CDH18: variants seen among roughly 807,000 people sequenced by gnomAD.
CDH18 encodes cadherin 18.
In CDH18, 31 loss-of-function variants were observed where a neutral mutation model predicts 67.9. The observed-to-expected ratio is 0.46, with a 90% CI of 0.34 to 0.62. The LOEUF is 0.62. Among genes scored for constraint, CDH18 ranks in the 20% least tolerant of loss-of-function variants. The pLI is 0.01. For synonymous variants in CDH18, 362 were observed against 347.2 expected (o/e 1.04, Z -0.48); for missense variants, 890 against 975.5 (o/e 0.91, Z 1.17).
intron 1 of CDH18, among the ~76,000 whole-genome samples, chr5:20,339,019 A>T (rs914611515): frequency 2.0e-5 from 3 of 152,182 alleles, no homozygotes; most frequent in African/African-American, 7.2e-5. Flanking sequence ...CAGTGAGGGA[A>T]AAAGAAGACA....
At chr5:19,738,240 G>T (rs7700760) in intron 4 of CDH18, among the ~76,000 whole-genome samples, 140,193 of 152,126 alleles carry the variant, frequency 0.92, 65,703 homozygotes, top group East Asian at 1. Context: ...TAATTTATAA[G>T]TAAAGGTGGA....
Position 19,682,193 on chromosome 5 carries a change from T to C in CDH18, c.643+39154A>G, listed in dbSNP as rs1760436668. On this transcript the variant is annotated intron_variant, in intron 5 of 12. Coordinates refer to ENST00000382275, the MANE Select transcript of CDH18 (RefSeq NM_004934.5). ...TCTTTGACAGCTGCTCCCTCTTCAA[T>C]TCTGCCAACAGGCACACTAGAGGGG... 1.3e-5 allele frequency among the ~76,000 whole-genome samples: 2 copies of C among 152,094 alleles called. 1 individual carries two copies. The highest frequency in any genetic ancestry group is 4.1e-4 in the South Asian group (2 of 4,838).
Position 19,961,813 on chromosome 5 carries a change from T to A in CDH18, c.-257+19247A>T, listed in dbSNP as rs78200193. Among the ~76,000 whole-genome samples the A allele has an allele frequency of 1.8e-4, 28 of 152,220 alleles. No individual in the cohort carries two copies. In the East Asian group the frequency reaches 5.0e-3, roughly 27 times the overall value. On this transcript the variant is annotated intron_variant, in intron 2 of 12. Transcript: ENST00000382275. ...TTCCAGCTCAAAAGGCTTTTTTAAG[T>A]TTTTATTATGGTCATGTAATAAAAT...
chr5:19,974,549 A>AAGTTT (rs988614564), intron 2 of CDH18, among the ~76,000 whole-genome samples: 7 of 149,634 alleles, frequency 4.7e-5, no homozygotes, highest in Admixed American at 2.0e-4. Context: ...AAAAAGAGGG[A>AAGTTT]AGTTTCCAGA....
chr5:20,262,369 G>A (rs919058858), intron 1 of CDH18, among the ~76,000 whole-genome samples: 3 of 152,196 alleles, frequency 2.0e-5, no homozygotes, highest in Non-Finnish European at 2.9e-5. Flanking sequence ...AATGTTGGAA[G>A]GGACTTGATA....
At chr5:19,850,772 T>A (rs764754284) in intron 2 of CDH18, among the ~76,000 whole-genome samples, 20 of 151,898 alleles carry the variant, frequency 1.3e-4, no homozygotes, top group Non-Finnish European at 2.2e-4. Flanking sequence ...AATAGAATGA[T>A]ATACATAAAC....
intron 1 of CDH18, among the ~76,000 whole-genome samples, chr5:20,376,362 ACAGGCGTGAGC>A (rs1159882937): frequency 6.6e-6 from 1 of 151,578 alleles, no homozygotes; most frequent in Non-Finnish European, 1.5e-5. Flanking sequence ...TGCTGGGATT[ACAGGCGTGAGC>A]CACCGCTCCC....
intron 2 of CDH18, among the ~76,000 whole-genome samples, chr5:19,912,654 G>C (rs1055929372): frequency 6.6e-6 from 1 of 152,128 alleles, no homozygotes; most frequent in African/African-American, 2.4e-5. Flanking sequence ...ATAGGCAACT[G>C]ATGCTATGGG....
chr5:20,245,832 T>C (rs1365128078), intron 2 of CDH18, among the ~76,000 whole-genome samples: 1 of 152,148 alleles, frequency 6.6e-6, no homozygotes, highest in Non-Finnish European at 1.5e-5. Flanking sequence ...TAATCTTAAC[T>C]GTGCTATGAT....
intron 2 of CDH18, among the ~76,000 whole-genome samples, chr5:19,977,406 C>G (rs912294224): frequency 2.0e-5 from 3 of 152,094 alleles, no homozygotes; most frequent in African/African-American, 7.2e-5. Flanking sequence ...GAATGAGGCA[C>G]TCTGATAAAG....
rs371763016 is a variant in CDH18, at chr5:20,502,340, G to C, written c.-580+73122C>G. ...AGAGAAAATATAACACACTACCAGA[G>C]GTCAAGGTATATCAGCAGCAACCAA... On this transcript the variant is annotated intron_variant, in intron 1 of 14. Transcript: ENST00000507958. Among the ~76,000 whole-genome samples the C allele has an allele frequency of 2.6e-5, 4 of 152,202 alleles. No homozygotes were observed. In the South Asian group the frequency reaches 8.3e-4, roughly 32 times the overall value.
rs778614188 is a variant in CDH18, at chr5:19,473,626, T to C, written c.1973A>G (p.Tyr658Cys). The C allele has an allele frequency of 1.9e-6, 3 of 1,613,868 alleles. No homozygotes were observed. The highest frequency in any genetic ancestry group is 2.5e-6 in the Non-Finnish European group (3 of 1,179,816). Residue 658 changes from tyrosine to cysteine, a missense_variant, in exon 13 of 13, where the codon TAT becomes TGT. Physicochemically the swap from Tyr to Cys is radical, Grantham distance 194. Transcript: ENST00000382275. ...EEDVRENVVT[Y>C]DDEGGGEEDT... is the part of the protein sequence containing the mutation. ...TTCCTCTCCGCCTCCTTCATCATCA[T>C]AGGTGACCACGTTCTCCCGTACATC... is the stretch of plus-strand genomic sequence containing the variant.
rs1339719009 is a variant in CDH18, at chr5:19,811,156, AAGAAGG to A, written c.228+27597_228+27602del. Among the ~76,000 whole-genome samples the A allele has an allele frequency of 6.3e-3, 139 of 22,228 alleles. 3 individuals are homozygous for A. Among genetic ancestry groups the A allele is most frequent in the Middle Eastern group, 0.021 (1 of 48 alleles). 14.6% of individuals were successfully genotyped at this position (22,228 alleles called of 152,430 possible). On this transcript the variant is annotated intron_variant, in intron 3 of 12. Transcript: ENST00000382275. ...AAAGAAAGAAAGAAAGAAAGAAAGAAAGAAGGAGAGAAAGAAAGAGAAGAAAGAGGG... is the reference window on the plus strand; with the variant it reads ...AAAGAAAGAAAGAAAGAAAGAAAGAAAGAGAAAGAAAGAGAAGAAAGAGGG...
chr5:20,209,819 T>A (rs1264327511), intron 2 of CDH18, among the ~76,000 whole-genome samples: 1 of 143,966 alleles, frequency 6.9e-6, no homozygotes. Flanking sequence ...TTACCGTGAT[T>A]TGATATTTAC....
intron 5 of CDH18, among the ~76,000 whole-genome samples, chr5:19,638,649 C>A (rs1460882596): frequency 6.7e-6 from 1 of 149,884 alleles, no homozygotes; most frequent in Non-Finnish European, 1.5e-5. Flanking sequence ...TTCCTGCCTT[C>A]CCCCCCCGCG....
chr5:19,473,788 AATTTCCCATTTTCCCATTC>A, intron 12 of CDH18, 72 bp from the exon 13 acceptor site: 1 of 1,289,672 alleles, frequency 7.8e-7, no homozygotes, highest in Non-Finnish European at 1.1e-6. Context: ...TTACAACAGC[AATTTCCCATTTTCCCATTC>A]GTCATTAACC....
chr5:20,533,933 C>A (rs771146090), intron 1 of CDH18, among the ~76,000 whole-genome samples: 1 of 151,828 alleles, frequency 6.6e-6, no homozygotes, highest in Non-Finnish European at 1.5e-5. Flanking sequence ...TTTAAAATGT[C>A]ACAGATTTTT....
At chr5:20,481,037 A>C (rs1438425692) in intron 1 of CDH18, among the ~76,000 whole-genome samples, 1 of 152,034 alleles carries the variant, frequency 6.6e-6, no homozygotes, top group African/African-American at 2.4e-5. Context: ...TCCAGTCAAA[A>C]GATATAGAGT....
chr5:19,604,122 G>C (rs1038083244), intron 6 of CDH18, among the ~76,000 whole-genome samples: 2 of 151,996 alleles, frequency 1.3e-5, no homozygotes, highest in South Asian at 4.2e-4. Flanking sequence ...TAATAAAAGG[G>C]CATTTGTCTC....
Sources: allele counts gnomAD v4.1 joint callset (sites outside exome capture counted in the v4.1 genomes callset), GRCh38; gene constraint gnomAD v4.1.1; transcripts MANE v1.5; gene names NCBI Gene and HGNC (gene_info 2026-07-23, HGNC 2026-07-21).